ABHD14A: variants seen among roughly 807,000 people sequenced by gnomAD.
The protein encoded by ABHD14A is protein ABHD14A.
A neutral mutation model predicts 27.0 loss-of-function variants in ABHD14A; 19 were observed. That is an observed-to-expected ratio of 0.70 (90% CI 0.49 to 1.03). ABHD14A has a LOEUF of 1.03. ABHD14A is among the 50% of genes least tolerant of loss of function. The pLI is 0.00. For synonymous variants in ABHD14A, 148 were observed against 158.8 expected (o/e 0.93, Z 0.51); for missense variants, 311 against 344.6 (o/e 0.90, Z 0.77).
intron 1 of ABHD14A, among the ~76,000 whole-genome samples, chr3:51,976,013 C>A (rs1465282920): frequency 1.3e-5 from 2 of 152,262 alleles, no homozygotes; most frequent in Non-Finnish European, 2.9e-5. Flanking sequence ...GTACTGCGGG[C>A]ACCCTCGGTT....
chr3:51,981,177 A>C lies in ABHD14A; in HGVS notation c.*159A>C, dbSNP rs1274837157. On this transcript the variant is annotated 3_prime_UTR_variant, in exon 5 of 5. Transcript: ENST00000273596. ...CATCTCACAGACACAATAAAAAAGC[A>C]TATTTGTCCTGCCTGGGAAGTGACA... is the stretch of plus-strand genomic sequence containing the variant. 3 of 759,376 alleles carry C rather than the reference A, an allele frequency of 4.0e-6. No individual in the cohort carries two copies. The highest frequency in any genetic ancestry group is 4.1e-6 in the Non-Finnish European group (2 of 488,756). 47.0% of individuals were successfully genotyped at this position (759,376 alleles called of 1,614,324 possible). A position where few individuals can be genotyped will look rare whatever the true frequency, so the allele number is the denominator to read the frequency against.
chr3:51,980,784 G>A, intron 4 of ABHD14A, 52 bp from the exon 5 acceptor site: 2 of 1,590,140 alleles, frequency 1.3e-6, no homozygotes, highest in Admixed American at 1.7e-5. Context: ...GTGGCTTGGG[G>A]GTCAGAAACT....
At chr3:51,978,172 C>T in intron 2 of ABHD14A, 87 bp from the exon 3 acceptor site, 1 of 1,534,806 alleles carries the variant, frequency 6.5e-7, no homozygotes, top group Non-Finnish European at 8.8e-7. Context: ...TGCTCAGGTC[C>T]TGGGAGGGCA....
rs182356172 is a variant in ABHD14A, at chr3:51,980,880, T to C, written c.678T>C (p.Ala226=). 2 of 1,614,112 alleles carry C rather than the reference T, an allele frequency of 1.2e-6. No homozygotes were observed. Among genetic ancestry groups the C allele is most frequent in the East Asian group, 2.2e-5 (1 of 44,880 alleles). Residue 226 remains alanine (A), a synonymous_variant, in exon 5 of 5, where the codon GCT becomes GCC. Transcript: ENST00000273596. ...ILYGELDHIL[A]RESLRQLRHL... ...ATGGAGAGCTGGACCACATCCTGGCTCGAGAGTCACTGCGGCAGCTCCGCC... is the reference window on the plus strand; with the variant it reads ...ATGGAGAGCTGGACCACATCCTGGCCCGAGAGTCACTGCGGCAGCTCCGCC...
In ABHD14A at chr3:51,980,623, G is replaced by A; in HGVS notation, c.628G>A (p.Val210Met). The change falls in exon 4 of 5, where the codon GTG becomes ATG. Residue 210 changes from valine (V) to methionine (M), a missense_variant. By Grantham distance (21) the Val-to-Met change is conservative. Transcript: ENST00000273596. Reference sequence around the variant, plus strand: ...CTACACCCAGGAGCAATTCTGGGCTGTGAAGGTACTGGGAGAAGGATCTCA... The same window carrying A: ...CTACACCCAGGAGCAATTCTGGGCTATGAAGGTACTGGGAGAAGGATCTCA... ...QNYTQEQFWA[V>M]KTPTLILYGE... is the part of the protein sequence containing the mutation. 1.2e-6 allele frequency: 2 copies of A among 1,613,244 alleles called. No individual in the cohort carries two copies. Among genetic ancestry groups the A allele is most frequent in the Non-Finnish European group, 1.7e-6 (2 of 1,179,568 alleles).
At chr3:51,979,263 G>A (rs1228389521) in intron 3 of ABHD14A, among the ~76,000 whole-genome samples, 1 of 152,112 alleles carries the variant, frequency 6.6e-6, no homozygotes, top group Non-Finnish European at 1.5e-5. Flanking sequence ...CTCCCTCTTT[G>A]TTGTCAACCC....
intron 4 of ABHD14A, 80 bp from the exon 5 acceptor site, chr3:51,980,756 G>A (rs2106818256): frequency 6.4e-7 from 1 of 1,570,032 alleles, no homozygotes; most frequent in Non-Finnish European, 8.7e-7. Flanking sequence ...GATGGTGTTG[G>A]GGAAGGCTTC....
At chr3:51,980,278 T>G in intron 3 of ABHD14A, 115 bp from the exon 4 acceptor site, 2 of 901,550 alleles carry the variant, frequency 2.2e-6, no homozygotes, top group Non-Finnish European at 3.7e-6. Flanking sequence ...TCTGGGCAGT[T>G]TTAGGTAGTG....
chr3:51,975,476 G>T, intron 1 of ABHD14A, among the ~76,000 whole-genome samples: 1 of 150,964 alleles, frequency 6.6e-6, no homozygotes, highest in African/African-American at 2.4e-5. Context: ...TGTGTTCGTT[G>T]ATGTCTGCCT....
intron 1 of ABHD14A, among the ~76,000 whole-genome samples, chr3:51,977,653 C>T (rs1388466386): frequency 6.6e-6 from 1 of 152,234 alleles, no homozygotes; most frequent in Admixed American, 6.5e-5. Flanking sequence ...CAGAGAACAC[C>T]TCAGATGCAC....
chr3:51,978,332 C>T lies in ABHD14A; in HGVS notation c.355C>T (p.Leu119=). The T allele has an allele frequency of 1.9e-6, 3 of 1,551,818 alleles. No individual in the cohort carries two copies. The highest frequency in any genetic ancestry group is 2.6e-6 in the Non-Finnish European group (3 of 1,147,024). Residue 119 remains leucine (L), a synonymous_variant, in exon 3 of 5, where the codon CTG becomes TTG. Transcript: ENST00000273596. Reference sequence around the variant, plus strand: ...GGAGCAGCTGGGCACACTGCAGCTACTGTCACAGAGGGGCTACCGGGCCGT... The same window carrying T: ...GGAGCAGCTGGGCACACTGCAGCTATTGTCACAGAGGGGCTACCGGGCCGT... ...TWEQLGTLQL[L]SQRGYRAVAL... is the part of the protein sequence containing the mutation.
Position 51,977,907 on chromosome 3 carries a change from GC to G in ABHD14A, c.109del (p.Leu37CysfsTer4), listed in dbSNP as rs768252117. 7 of 1,613,962 alleles carry G rather than the reference GC, an allele frequency of 4.3e-6. No homozygotes were observed. The Admixed American group carries it at 1.2e-4, about 27-fold the overall frequency. The stretch of plus-strand genomic sequence containing the variant: ...GACCTCCATGAGCCGGTCCCAGGTA[GC>G]CCTGCTGGGCCTGAGTCTGCTGCTC... ...VQTSMSRSQV[A>X]LLGLSLLLML... is the part of the protein sequence containing the mutation. On this transcript the variant is annotated frameshift_variant, in exon 2 of 5. Coordinates refer to ENST00000273596, the MANE Select transcript of ABHD14A (RefSeq NM_015407.5). LOFTEE classifies it high-confidence loss of function.
rs771877925 is a variant in ABHD14A at position 51,975,170 on chromosome 3, T to TGGGCG, written c.40_44dup (p.Arg16GlyfsTer17). The stretch of plus-strand genomic sequence containing the variant: ...GCGCTGTGCGGCTGCTGGTTCCGCC[T>TGGGCG]GGGCGGGGCCCGCCCGCTCATCCCG... On this transcript the variant is annotated frameshift_variant, in exon 1 of 5. Coordinates refer to ENST00000273596, the MANE Select transcript of ABHD14A (RefSeq NM_015407.5). LOFTEE classifies it high-confidence loss of function. The TGGGCG allele has an allele frequency of 5.7e-5, 73 of 1,282,634 alleles. 1 individual carries two copies. The African/African-American group carries it at 9.4e-4, about 17-fold the overall frequency. The allele number at this position is 1,282,634 out of a possible 1,614,324, so 79.5% of individuals were successfully genotyped here.
chr3:51,980,949 T>C lies in ABHD14A; in HGVS notation c.747T>C (p.His249=). 6.2e-7 allele frequency: 1 copy of C among 1,614,122 alleles called. No individual in the cohort carries two copies. ...HSVVKLRNAG[H]ACYLHKPQDF... The stretch of plus-strand genomic sequence containing the variant: ...TGGTGAAGCTACGCAATGCAGGCCA[T>C]GCCTGTTACCTCCACAAGCCGCAAG... The change falls in exon 5 of 5, where the codon CAT becomes CAC. Residue 249 remains histidine (H), a synonymous_variant. Coordinates refer to ENST00000273596, the MANE Select transcript of ABHD14A (RefSeq NM_015407.5).
chr3:51,980,645 C>T lies in ABHD14A; in HGVS notation c.633+17C>T, dbSNP rs762662695. ...GCTGTGAAGGTACTGGGAGAAGGAT[C>T]TCAAAGGTCCTGGCACCCTGTCTGT... On this transcript the variant is annotated intron_variant, in intron 4 of 4. Coordinates refer to ENST00000273596, the MANE Select transcript of ABHD14A (RefSeq NM_015407.5). 1.2e-6 allele frequency: 2 copies of T among 1,608,446 alleles called. No individual in the cohort carries two copies. The highest frequency in any genetic ancestry group is 2.2e-5 in the South Asian group (2 of 90,616).
At chr3:51,976,400 G>A (rs1441386668) in intron 1 of ABHD14A, among the ~76,000 whole-genome samples, 1 of 152,236 alleles carries the variant, frequency 6.6e-6, no homozygotes, top group Middle Eastern at 3.2e-3. Flanking sequence ...GTGCTGGCCC[G>A]GCGCGGTGGC....
chr3:51,978,477 G>A, intron 3 of ABHD14A, 103 bp downstream of exon 3: 1 of 735,022 alleles, frequency 1.4e-6, no homozygotes, highest in Non-Finnish European at 2.1e-6. Context: ...ACATAAGGTG[G>A]CACCATGAAA....
intron 3 of ABHD14A, chr3:51,980,168 C>T (rs956031660): frequency 5.7e-5 from 35 of 615,720 alleles, no homozygotes; most frequent in South Asian, 1.1e-4. Context: ...GTGATCTGCC[C>T]GCCTCGGCCT....
intron 3 of ABHD14A, chr3:51,980,160 G>C (rs1375819678): frequency 5.0e-6 from 3 of 598,424 alleles, no homozygotes; most frequent in Non-Finnish European, 9.4e-6. Context: ...CTAACCTCGT[G>C]ATCTGCCCGC....
Sources: allele counts gnomAD v4.1 joint callset (sites outside exome capture counted in the v4.1 genomes callset), GRCh38; gene constraint gnomAD v4.1.1; transcripts MANE v1.5; gene names NCBI Gene and HGNC (gene_info 2026-07-23, HGNC 2026-07-21).